Variants in GUCY2F observed in about 807,000 individuals in gnomAD.
The protein encoded by GUCY2F is retinal guanylyl cyclase 2.
In GUCY2F, 61 loss-of-function variants were observed where a neutral mutation model predicts 73.1. That is an observed-to-expected ratio of 0.83 (90% CI 0.68 to 1.03). The LOEUF is 1.03. Ranked by LOEUF, GUCY2F falls within the 50% of genes least tolerant of loss-of-function variation. GUCY2F has a pLI of 0.00. For missense variants in GUCY2F, 912 were observed against 854.3 expected (o/e 1.07, Z -0.84); for synonymous variants, 331 against 307.8 (o/e 1.08, Z -0.79).
chrX:109,406,822 C>T (rs777945483), intron 9 of GUCY2F, among the ~76,000 whole-genome samples: 10 of 111,851 alleles, frequency 8.9e-5, no homozygotes, highest in African/African-American at 1.3e-4. Context: ...CTTCTCTTCC[C>T]GCTACCATGT....
chrX:109,386,579 G>T (rs749517990), intron 15 of GUCY2F, among the ~76,000 whole-genome samples: 2 of 111,870 alleles, frequency 1.8e-5, no homozygotes, highest in Non-Finnish European at 3.8e-5. Flanking sequence ...GGAATTGCAT[G>T]ATCTTTTTTC....
chrX:109,445,708 G>C (rs949610703), intron 6 of GUCY2F, among the ~76,000 whole-genome samples: 7 of 111,092 alleles, frequency 6.3e-5, no homozygotes, highest in Non-Finnish European at 9.4e-5. Context: ...CTTTGAAAAC[G>C]GGCACAAGAC....
chrX:109,477,493 T>G (rs1239560807), intron 1 of GUCY2F, among the ~76,000 whole-genome samples: 1 of 112,069 alleles, frequency 8.9e-6, no homozygotes, highest in Non-Finnish European at 1.9e-5. Flanking sequence ...AAATTCTTAA[T>G]AGAAAGCTGA....
intron 5 of GUCY2F, among the ~76,000 whole-genome samples, chrX:109,448,888 C>T (rs1446430308): frequency 8.9e-6 from 1 of 111,877 alleles, no homozygotes; most frequent in African/African-American, 3.3e-5. Flanking sequence ...AGTTTAAACC[C>T]GATTCTCTCT....
chrX:109,420,199 GA>G (rs1362762795), intron 8 of GUCY2F, among the ~76,000 whole-genome samples: 6 of 85,020 alleles, frequency 7.1e-5, no homozygotes, highest in African/African-American at 2.7e-4. Flanking sequence ...TCTTGGACTA[GA>G]CAAGGATTTC....
intron 15 of GUCY2F, among the ~76,000 whole-genome samples, chrX:109,386,342 T>G (rs1022605497): frequency 1.8e-5 from 2 of 110,932 alleles, no homozygotes; most frequent in African/African-American, 3.3e-5. Flanking sequence ...AAGGGTCCAG[T>G]GGAGAAGGTA....
intron 17 of GUCY2F, among the ~76,000 whole-genome samples, chrX:109,377,708 C>T (rs1315547885): frequency 2.7e-5 from 3 of 111,676 alleles, no homozygotes; most frequent in African/African-American, 9.8e-5. Flanking sequence ...GCCCCCCACC[C>T]TCAGCCATAT....
chrX:109,374,955 G>C (rs1930141669), intron 19 of GUCY2F, among the ~76,000 whole-genome samples: 2 of 112,068 alleles, frequency 1.8e-5, no homozygotes, highest in South Asian at 7.4e-4. Context: ...AAAGTCATCA[G>C]AGGCCAGTGG....
intron 1 of GUCY2F, 42 bp from the exon 2 acceptor site, chrX:109,476,063 G>A: frequency 1.8e-5 from 9 of 505,275 alleles, no homozygotes; most frequent in Admixed American, 4.5e-5. Context: ...CATTATTTCT[G>A]AAGCTTCTGG....
At chrX:109,394,902 C>T (rs1224950699) in intron 12 of GUCY2F, among the ~76,000 whole-genome samples, 1 of 112,134 alleles carries the variant, frequency 8.9e-6, no homozygotes, top group Non-Finnish European at 1.9e-5. Context: ...CCTGACCTTC[C>T]AAAAACAACC....
At chrX:109,472,952 C>T (rs1049885695) in intron 2 of GUCY2F, among the ~76,000 whole-genome samples, 7 of 111,214 alleles carry the variant, frequency 6.3e-5, no homozygotes, top group African/African-American at 2.3e-4. Flanking sequence ...AGACATGTGC[C>T]TGTACCATGT....
In GUCY2F at chrX:109,430,428, T is replaced by C. The variant is rs115107902; in HGVS notation, c.1702-32A>G. On this transcript the variant is annotated intron_variant, in intron 7 of 19. Coordinates refer to ENST00000218006, the MANE Select transcript of GUCY2F (RefSeq NM_001522.3). The stretch of plus-strand genomic sequence containing the variant: ...AGAAAAGGAGGAGAATGAATAGTGA[T>C]GAAACTTAGTTGCCAGCAGTTTTAG... The C allele has an allele frequency of 1.5e-3, 1,128 of 768,593 alleles. 8 individuals carry two copies. In the African/African-American group the frequency reaches 0.02, roughly 14 times the overall value. 63.3% of individuals were successfully genotyped at this position (768,593 alleles called of 1,213,427 possible).
intron 3 of GUCY2F, 46 bp from the exon 4 acceptor site, chrX:109,453,905 G>T: frequency 1.4e-6 from 1 of 737,645 alleles, no homozygotes; most frequent in Non-Finnish European, 2.0e-6. Flanking sequence ...TCGCCCTAGA[G>T]CGATCTCAGA....
chrX:109,480,817 A>G (rs10521524), intron 1 of GUCY2F, among the ~76,000 whole-genome samples: 1,731 of 110,217 alleles, frequency 0.016, 26 homozygotes, highest in East Asian at 0.09. Flanking sequence ...CTGGACAACC[A>G]GAAAGTTTTA....
rs745721373 is a variant in GUCY2F, at chrX:109,475,898, G to T, written c.39C>A (p.Leu13=). ...LGLGRFSRLV[L]WFAAFRKLLG... ...GCAGTTTCCTGAAAGCCGCAAACCA[G>T]AGAACAAGGCGAGAAAAGCGCCCGA... is the stretch of plus-strand genomic sequence containing the variant. The change falls in exon 2 of 20, where the codon CTC becomes CTA. Residue 13 remains leucine (L), a synonymous_variant. Coordinates refer to ENST00000218006, the MANE Select transcript of GUCY2F (RefSeq NM_001522.3). 8.3e-7 allele frequency: 1 copy of T among 1,208,546 alleles called. No individual in the cohort carries two copies.
rs958117076 is a variant in GUCY2F at position 109,457,981 on chromosome X, A to G, written c.1033-4122T>C. On this transcript the variant is annotated intron_variant, in intron 3 of 19. Transcript: ENST00000218006. ...CTAATTCAGAATTCTAATTTGGCCA[A>G]AATATAAAGGTACAAAGTTATAATC... Among the ~76,000 whole-genome samples, 3 of 111,832 alleles carry G rather than the reference A, an allele frequency of 2.7e-5. No individual in the cohort carries two copies. The Admixed American group carries it at 2.8e-4, about 11-fold the overall frequency.
At position 109,385,253 on chromosome X, in the gene GUCY2F, T is replaced by C. The variant is rs775222043; in HGVS notation, c.2986A>G (p.Thr996Ala). ...GPVVAGVVGL[T>A]MPRYCLFGDT... ...CCAAACAAGCAGTATCTGGGCATGG[T>C]GAGGCCCACCACTCCAGCAACAACC... The change falls in exon 16 of 20, where the codon ACC becomes GCC. Residue 996 changes from threonine (T) to alanine (A), a missense_variant. By Grantham distance (58) the Thr-to-Ala change is moderately conservative (BLOSUM62 0). Coordinates refer to ENST00000218006, the MANE Select transcript of GUCY2F (RefSeq NM_001522.3). The C allele has an allele frequency of 8.4e-7, 1 of 1,186,302 alleles. No homozygotes were observed. The highest frequency in any genetic ancestry group is 1.8e-5 in the South Asian group (1 of 55,870).
intron 8 of GUCY2F, 129 bp from the exon 9 acceptor site, chrX:109,409,297 A>G (rs1017022261): frequency 6.9e-6 from 3 of 437,421 alleles, no homozygotes; most frequent in Admixed American, 7.8e-5. Context: ...TTTGACTCCC[A>G]TGATGATCTC....
intron 7 of GUCY2F, among the ~76,000 whole-genome samples, chrX:109,434,571 C>T (rs6642680): frequency 0.056 from 6,096 of 109,777 alleles, 423 homozygotes; most frequent in African/African-American, 0.18. Context: ...TCCCATTTTG[C>T]AGGTTGCCTG....
Sources: allele counts gnomAD v4.1 joint callset (sites outside exome capture counted in the v4.1 genomes callset), GRCh38; gene constraint gnomAD v4.1.1; transcripts MANE v1.5; gene names NCBI Gene and HGNC (gene_info 2026-07-23, HGNC 2026-07-21).